The following N4BP2 variants were observed in gnomAD, a reference collection of about 807,000 sequenced individuals.
N4BP2 encodes the protein NEDD4 binding protein 2.
A neutral mutation model predicts 152.8 loss-of-function variants in N4BP2; 91 were observed. The ratio of observed to expected loss-of-function variants is 0.60; its 90% CI spans 0.50 to 0.71. N4BP2 has a LOEUF of 0.71. Among genes scored for constraint, N4BP2 ranks in the 30% least tolerant of loss-of-function variants. N4BP2 has a pLI of 0.00. For missense variants in N4BP2, 1,923 were observed against 2,059.1 expected, an observed-to-expected ratio of 0.93 and a Z score of 1.28; for synonymous variants, 646 against 705.3, an observed-to-expected ratio of 0.92 and a Z score of 1.33.
rs571059338 is a variant in N4BP2, at chr4:40,093,627, A to G, written c.-114-3600A>G. Among the ~76,000 whole-genome samples the G allele has an allele frequency of 7.5e-5, 11 of 146,720 alleles. No individual in the cohort carries two copies. In the East Asian group the frequency reaches 2.0e-3, roughly 27 times the overall value. On this transcript the variant is annotated intron_variant, in intron 2 of 17. Coordinates refer to ENST00000261435, the MANE Select transcript of N4BP2 (RefSeq NM_018177.6). ...ATTATTATTATTTATTTATTTATTT[A>G]CTTTTGGAGACAGAGTTTTGCTCTT...
intron 5 of N4BP2, among the ~76,000 whole-genome samples, chr4:40,109,112 G>A (rs947990388): frequency 3.3e-5 from 5 of 152,216 alleles, no homozygotes; most frequent in African/African-American, 1.2e-4. Context: ...ACCACACCTG[G>A]CCCTCAGTCT....
At chr4:40,068,465 T>C (rs1413545947) in intron 1 of N4BP2, among the ~76,000 whole-genome samples, 5 of 152,216 alleles carry the variant, frequency 3.3e-5, no homozygotes, top group Non-Finnish European at 7.3e-5. Flanking sequence ...TTTAGGTCTT[T>C]AGTCCATTTT....
chr4:40,161,340 A>G (rs1721854425), downstream of N4BP2, among the ~76,000 whole-genome samples: 1 of 152,258 alleles, frequency 6.6e-6, no homozygotes, highest in South Asian at 2.1e-4. Context: ...TCAGGATGCA[A>G]TTACCAGGAT....
chr4:40,067,689 ATTTTTAT>A (rs1339089377), intron 1 of N4BP2, among the ~76,000 whole-genome samples: 1 of 151,766 alleles, frequency 6.6e-6, no homozygotes, highest in Non-Finnish European at 1.5e-5. Context: ...CTTCACCAAC[ATTTTTAT>A]TTTTTATTTT....
downstream of N4BP2, among the ~76,000 whole-genome samples, chr4:40,158,781 A>AG (rs1349788823): frequency 6.6e-6 from 1 of 152,130 alleles, no homozygotes; most frequent in East Asian, 1.9e-4. Flanking sequence ...AAAAAAAAAA[A>AG]GAATCTCTTA....
At chr4:40,097,968 G>C (rs1211551008) in intron 3 of N4BP2, among the ~76,000 whole-genome samples, 1 of 152,116 alleles carries the variant, frequency 6.6e-6, no homozygotes. Flanking sequence ...TTACCACCCA[G>C]TTGTGACAAT....
chr4:40,063,023 T>C (rs1344874415), intron 1 of N4BP2, among the ~76,000 whole-genome samples: 2 of 152,194 alleles, frequency 1.3e-5, no homozygotes, highest in Admixed American at 1.3e-4. Context: ...ATAGTAATTT[T>C]GGGGTTTATC....
chr4:40,150,079 G>A (rs998333810), intron 16 of N4BP2, among the ~76,000 whole-genome samples: 2 of 152,124 alleles, frequency 1.3e-5, no homozygotes, highest in African/African-American at 2.4e-5. Flanking sequence ...CAGTATTGTT[G>A]AATAGAAATG....
At chr4:40,095,460 A>G (rs1715025429) in intron 2 of N4BP2, among the ~76,000 whole-genome samples, 1 of 152,190 alleles carries the variant, frequency 6.6e-6, no homozygotes, top group South Asian at 2.1e-4. Context: ...TTTGCTCTGA[A>G]TTCTGCTTAT....
chr4:40,112,123 TA>T lies in N4BP2; in HGVS notation c.1539del (p.Ile513MetfsTer11). On this transcript the variant is annotated frameshift_variant, in exon 6 of 18. Transcript: ENST00000261435. LOFTEE classifies it high-confidence loss of function. ...GAGAAGAAGATATCTCCTATAATTA[TA>T]GATAATACAAACCTACAGGCATGGG... ...AFEKKISPII[I>X]DNTNLQAWEM... The T allele has an allele frequency of 6.4e-7, 1 of 1,572,134 alleles. No individual in the cohort carries two copies. The highest frequency in any genetic ancestry group is 8.7e-7 in the Non-Finnish European group (1 of 1,154,842).
At chr4:40,123,968 G>T (rs1404503285) in intron 10 of N4BP2, among the ~76,000 whole-genome samples, 192 bp from the exon 11 acceptor site, 1 of 151,758 alleles carries the variant, frequency 6.6e-6, no homozygotes, top group Non-Finnish European at 1.5e-5. Flanking sequence ...TCTAGAAGTG[G>T]AAAAAATATG....
chr4:40,168,481 G>A, the N4BP2 span, among the ~76,000 whole-genome samples: 118,571 of 152,060 alleles, frequency 0.78, 46,462 homozygotes, highest in East Asian at 0.98. Context: ...GAAGAACAGT[G>A]CCTATAAAAG....
intron 7 of N4BP2, among the ~76,000 whole-genome samples, 172 bp from the exon 8 acceptor site, chr4:40,117,696 TC>T (rs1717474407): frequency 6.6e-6 from 1 of 152,162 alleles, no homozygotes; most frequent in East Asian, 1.9e-4. Flanking sequence ...ATTTAAGAAA[TC>T]CTTAATAAAA....
At chr4:40,140,598 A>G (rs567397287) in intron 14 of N4BP2, among the ~76,000 whole-genome samples, 3 of 151,964 alleles carry the variant, frequency 2.0e-5, no homozygotes, top group South Asian at 4.2e-4. Context: ...TTTAAAATTA[A>G]TTTATTTTTT....
intron 8 of N4BP2, 95 bp downstream of exon 8, chr4:40,118,119 T>A: frequency 9.1e-7 from 1 of 1,102,038 alleles, no homozygotes; most frequent in Non-Finnish European, 1.2e-6. Flanking sequence ...TGATAAACTT[T>A]AAAAATAAGG....
chr4:40,063,987 G>T (rs1457546102), intron 1 of N4BP2, among the ~76,000 whole-genome samples: 2 of 151,328 alleles, frequency 1.3e-5, no homozygotes, highest in Non-Finnish European at 2.9e-5. Flanking sequence ...GCGGCAGGGG[G>T]GGGTCTCACT....
Position 40,123,206 on chromosome 4 carries a change from T to G in N4BP2, c.4278T>G (p.Ser1426=). The G allele has an allele frequency of 1.9e-6, 3 of 1,606,426 alleles. No individual in the cohort carries two copies. The highest frequency in any genetic ancestry group is 1.7e-6 in the Non-Finnish European group (2 of 1,173,482). Residue 1426 remains serine (S), a synonymous_variant, in exon 10 of 18, where the codon TCT becomes TCG. Coordinates refer to ENST00000261435, the MANE Select transcript of N4BP2 (RefSeq NM_018177.6). ...TGATTCATGAGAAATGGAAAGAATC[T>G]GTAATGGTTGGTAGGCTTCTTTTTA... ...AKVIHEKWKE[S]VMERQRQEEV... is the part of the protein sequence containing the mutation.
At chr4:40,072,734 T>C (rs1425310397) in intron 1 of N4BP2, among the ~76,000 whole-genome samples, 1 of 151,582 alleles carries the variant, frequency 6.6e-6, no homozygotes, top group Non-Finnish European at 1.5e-5. Flanking sequence ...TGGGACTTTT[T>C]TTTTTTTTTG....
At chr4:40,104,807 C>CT (rs397976537) in intron 4 of N4BP2, among the ~76,000 whole-genome samples, 24,411 of 142,444 alleles carry the variant, frequency 0.17, 2,423 homozygotes, top group East Asian at 0.45. Context: ...CCTGCGTTGT[C>CT]TTTTTTTTTT....
Sources: gnomAD v4.1 joint callset for allele counts (sites outside exome capture counted in the v4.1 genomes callset) on GRCh38, gnomAD v4.1.1 for gene constraint, MANE v1.5 for transcripts, NCBI Gene and HGNC (gene_info 2026-07-23, HGNC 2026-07-21) for gene names.